LARP1B: variants seen among roughly 807,000 people sequenced by gnomAD.
LARP1B encodes the protein La ribonucleoprotein 1B.
Under a neutral mutation model 114.2 loss-of-function variants are expected in LARP1B, and 76 were observed. The observed-to-expected ratio is 0.67, with a 90% confidence interval of 0.55 to 0.81. The LOEUF is 0.81. Ranked by LOEUF, LARP1B falls within the 30% of genes least tolerant of loss-of-function variation. The pLI is 0.00. For missense variants in LARP1B, 1,014 were observed against 1,075.8 expected (o/e 0.94, Z 0.80); for synonymous variants, 345 against 348.0 (o/e 0.99, Z 0.10).
intron 11 of LARP1B, chr4:128,122,438 GTTTTTTT>G (rs377102754): frequency 9.2e-6 from 11 of 1,189,650 alleles, no homozygotes; most frequent in African/African-American, 3.8e-5. Flanking sequence ...TTATACCCTT[GTTTTTTT>G]TTTTTTTTGT....
At chr4:128,116,921 G>GT (rs5861843) in intron 10 of LARP1B, among the ~76,000 whole-genome samples, 77,521 of 136,792 alleles carry the variant, frequency 0.57, 23,110 homozygotes, top group Middle Eastern at 0.79. Flanking sequence ...TTCCTCTTGA[G>GT]TTTTTTTTTT....
chr4:128,073,591 T>TGTA (rs1561057126), intron 1 of LARP1B, among the ~76,000 whole-genome samples: 1 of 27,940 alleles, frequency 3.6e-5, no homozygotes, highest in Admixed American at 6.5e-4. Flanking sequence ...TTTTTTTTTT[T>TGTA]TTTTTTTTTT....
At chr4:128,155,414 GC>G in intron 11 of LARP1B, 1 of 647,966 alleles carries the variant, frequency 1.5e-6, no homozygotes, top group East Asian at 2.8e-5. Context: ...AGGGAACCCG[GC>G]CCGAGCTCCG....
rs548353342 is a variant in LARP1B, at chr4:128,140,202, G to A, written c.1524+18014G>A. ...GTTTGTATTGGCTGGCACTACCCTG[G>A]AGGAATTTAGATGTGTTCACCAGGA... On this transcript the variant is annotated intron_variant, in intron 11 of 19. Transcript: ENST00000326639. Among the ~76,000 whole-genome samples the A allele has an allele frequency of 8.7e-4, 132 of 152,242 alleles. 2 individuals carry two copies. Among genetic ancestry groups the A allele is most frequent in the Non-Finnish European group, 4.4e-5 (3 of 68,012 alleles).
At chr4:128,114,802 C>T (rs1019936713) in intron 10 of LARP1B, 60 bp downstream of exon 10, 8 of 1,457,542 alleles carry the variant, frequency 5.5e-6, no homozygotes, top group Middle Eastern at 1.8e-4. Context: ...AAGGTCAGTG[C>T]ACTTTATGTT....
intron 5 of LARP1B, among the ~76,000 whole-genome samples, chr4:128,088,332 G>C (rs547099136): frequency 6.6e-6 from 1 of 152,212 alleles, no homozygotes; most frequent in South Asian, 2.1e-4. Flanking sequence ...GAGCTTAAGT[G>C]CATTGGTTTC....
At chr4:128,111,662 C>T (rs1191573698) in intron 9 of LARP1B, among the ~76,000 whole-genome samples, 1 of 150,538 alleles carries the variant, frequency 6.6e-6, no homozygotes, top group East Asian at 1.9e-4. Context: ...ATGATCATGG[C>T]ACTGTACAGC....
chr4:128,169,991 A>G (rs1742861400), intron 12 of LARP1B, among the ~76,000 whole-genome samples: 2 of 151,944 alleles, frequency 1.3e-5, no homozygotes, highest in Admixed American at 1.3e-4. Context: ...CACAAATTTG[A>G]TATGCTGTAT....
In LARP1B at chr4:128,122,146, T is replaced by C. The variant is rs1366464023; in HGVS notation, c.1482T>C (p.Asp494=). Residue 494 remains aspartate (D), a synonymous_variant, in exon 11 of 20, where the codon GAT becomes GAC. Coordinates refer to ENST00000326639, the MANE Select transcript of LARP1B (RefSeq NM_018078.4). ...ATGGCTTATACTATTATGAACAGGA[T>C]CTATGGATGGAAGAAGATGAAAACA... is the stretch of plus-strand genomic sequence containing the variant. ...INDGLYYYEQ[D]LWMEEDENKH... The C allele has an allele frequency of 1.9e-6, 3 of 1,613,894 alleles. No individual in the cohort carries two copies. The highest frequency in any genetic ancestry group is 2.5e-6 in the Non-Finnish European group (3 of 1,179,838).
At chr4:128,082,779 G>T (rs1580007213) in intron 5 of LARP1B, among the ~76,000 whole-genome samples, 1 of 147,852 alleles carries the variant, frequency 6.8e-6, no homozygotes, top group Admixed American at 6.8e-5. Flanking sequence ...CAGGAGTACT[G>T]TATAAGAAAA....
intron 5 of LARP1B, among the ~76,000 whole-genome samples, chr4:128,082,908 G>A (rs1242129604): frequency 4.6e-5 from 7 of 150,932 alleles, no homozygotes; most frequent in East Asian, 3.9e-4. Context: ...AGGGAAGGTC[G>A]GCAGATAAAC....
chr4:128,089,318 C>T lies in LARP1B; in HGVS notation c.359-1683C>T, dbSNP rs114798687. 2.3e-3 allele frequency among the ~76,000 whole-genome samples: 354 copies of T among 152,170 alleles called. 1 individual carries two copies. The highest frequency in any genetic ancestry group is 3.9e-3 in the Non-Finnish European group (268 of 68,008). On this transcript the variant is annotated intron_variant, in intron 5 of 19. Transcript: ENST00000326639. ...CAAAGTAGATATACCTATTTTCAAC[C>T]TCATTAGCAATATATGAATGTTCTA...
In LARP1B at chr4:128,211,115, A is replaced by C. The variant is rs1758903666; in HGVS notation, c.*1062A>C. The C allele has an allele frequency of 1.1e-6, 1 of 902,870 alleles. No homozygotes were observed. Among genetic ancestry groups the C allele is most frequent in the African/African-American group, 1.8e-5 (1 of 55,496 alleles). 55.9% of individuals were successfully genotyped at this position (902,870 alleles called of 1,614,324 possible). Reference sequence around the variant, plus strand: ...TTTCAGTTTTTGTGAGATTTAAAAAAATAAAGCACTTATTCTGAATTTTTT... The same window carrying C: ...TTTCAGTTTTTGTGAGATTTAAAAACATAAAGCACTTATTCTGAATTTTTT... On this transcript the variant is annotated 3_prime_UTR_variant, in exon 20 of 20. Coordinates refer to ENST00000326639, the MANE Select transcript of LARP1B (RefSeq NM_018078.4).
At chr4:128,070,181 G>A (rs993521509) in intron 1 of LARP1B, among the ~76,000 whole-genome samples, 12 of 152,046 alleles carry the variant, frequency 7.9e-5, no homozygotes, top group South Asian at 2.1e-4. Context: ...TTAGCTGGGC[G>A]TGGTGGCAGG....
intron 11 of LARP1B, among the ~76,000 whole-genome samples, chr4:128,150,737 AAAAT>A (rs1732420667): frequency 6.6e-6 from 1 of 152,214 alleles, no homozygotes; most frequent in Non-Finnish European, 1.5e-5. Flanking sequence ...TTGGGAAAAA[AAAAT>A]AAATGAAGAA....
chr4:128,186,533 T>C (rs1308501624), intron 15 of LARP1B, among the ~76,000 whole-genome samples: 1 of 152,174 alleles, frequency 6.6e-6, no homozygotes, highest in African/African-American at 2.4e-5. Flanking sequence ...TGACCCAGAT[T>C]TTTGGTGGAG....
At chr4:128,154,482 A>G (rs1307811188) in intron 11 of LARP1B, among the ~76,000 whole-genome samples, 1 of 152,104 alleles carries the variant, frequency 6.6e-6, no homozygotes, top group Non-Finnish European at 1.5e-5. Flanking sequence ...TGAATTCTTG[A>G]TTTGGCTTTT....
chr4:128,121,816 C>A lies in LARP1B; in HGVS notation c.1162-10C>A. Reference sequence around the variant, plus strand: ...AGTTTTTTATATAAATTACCAATTTCTTCCTTCAGGAATCAGTGTCTGTCC... The same window carrying A: ...AGTTTTTTATATAAATTACCAATTTATTCCTTCAGGAATCAGTGTCTGTCC... On this transcript the variant is annotated splice_polypyrimidine_tract_variant and intron_variant, in intron 10 of 19. Transcript: ENST00000326639. The A allele has an allele frequency of 6.7e-7, 1 of 1,496,460 alleles. No individual in the cohort carries two copies. Among genetic ancestry groups the A allele is most frequent in the African/African-American group, 1.4e-5 (1 of 71,238 alleles). 92.7% of individuals were successfully genotyped at this position (1,496,460 alleles called of 1,614,324 possible).
intron 9 of LARP1B, chr4:128,108,811 T>C (rs1561249912): frequency 1.6e-5 from 16 of 984,714 alleles, no homozygotes; most frequent in Non-Finnish European, 1.7e-5. Flanking sequence ...ATATACTTTC[T>C]CTGCAGGGTA....
Sources: gnomAD v4.1 joint callset for allele counts (sites outside exome capture counted in the v4.1 genomes callset) on GRCh38, gnomAD v4.1.1 for gene constraint, MANE v1.5 for transcripts, NCBI Gene and HGNC (gene_info 2026-07-23, HGNC 2026-07-21) for gene names.